STKLD1: variants seen among roughly 807,000 people sequenced by gnomAD.
STKLD1 encodes the protein serine/threonine kinase-like domain-containing protein STKLD1.
In STKLD1, 79 loss-of-function variants were observed where a neutral mutation model predicts 80.4. That is an observed-to-expected ratio of 0.98 (90% CI 0.82 to 1.19). STKLD1 has a LOEUF of 1.19. Ranked by LOEUF, STKLD1 falls within the 50% of genes most tolerant of loss-of-function variation. The pLI is 0.00. For synonymous variants in STKLD1, 393 were observed against 357.6 expected, an observed-to-expected ratio of 1.10 and a Z score of -1.12; for missense variants, 841 against 856.0, an observed-to-expected ratio of 0.98 and a Z score of 0.22.
chr9:133,392,603 G>GTGGGTGGATGGA (rs1295950840), intron 7 of STKLD1, among the ~76,000 whole-genome samples: 2 of 36,510 alleles, frequency 5.5e-5, no homozygotes, highest in African/African-American at 2.4e-4. Flanking sequence ...GGATGGATGG[G>GTGGGTGGATGGA]TGGATGGATG....
Position 133,402,954 on chromosome 9 carries a change from C to G in STKLD1, c.1416C>G (p.Leu472=). Residue 472 remains leucine, a synonymous_variant, in exon 14 of 18, where the codon CTC becomes CTG. Coordinates refer to ENST00000371957, the MANE Select transcript of STKLD1 (RefSeq NM_153710.5). ...EHILEHLNSS[L]ESRDVCASGL... ...TCCTGGAGCACCTCAACAGCTCCCTCGAAAGCAGGGACGTCTGCGCCAGCG... is the reference window on the plus strand; with the variant it reads ...TCCTGGAGCACCTCAACAGCTCCCTGGAAAGCAGGGACGTCTGCGCCAGCG... The G allele has an allele frequency of 6.3e-7, 1 of 1,583,044 alleles. No individual in the cohort carries two copies.
In STKLD1 at chr9:133,405,838, T is replaced by G; in HGVS notation, c.*417T>G. The G allele has an allele frequency of 6.3e-6, 1 of 159,186 alleles. No homozygotes were observed. The highest frequency in any genetic ancestry group is 1.4e-5 in the Non-Finnish European group (1 of 72,906). 9.9% of individuals were successfully genotyped at this position (159,186 alleles called of 1,614,324 possible). ...CCATGGGCCACTGTTTCCCTTGGGG[T>G]GGGGGGAAGGGTCATCCAGCACCAG... On this transcript the variant is annotated 3_prime_UTR_variant, in exon 18 of 18. Transcript: ENST00000371957.
intron 12 of STKLD1, 100 bp downstream of exon 12, chr9:133,400,629 G>C (rs1838678854): frequency 3.1e-6 from 3 of 974,180 alleles, no homozygotes; most frequent in Non-Finnish European, 4.9e-6. Flanking sequence ...GGGTGGGTTA[G>C]GGGAAGCCAT....
At chr9:133,401,287 C>T (rs1402233616) in intron 12 of STKLD1, among the ~76,000 whole-genome samples, 1 of 151,976 alleles carries the variant, frequency 6.6e-6, no homozygotes, top group Non-Finnish European at 1.5e-5. Flanking sequence ...TACAGGCACC[C>T]ACCACCACGC....
chr9:133,404,502 G>A (rs1239992038), intron 16 of STKLD1, among the ~76,000 whole-genome samples: 1 of 152,200 alleles, frequency 6.6e-6, no homozygotes, highest in Non-Finnish European at 1.5e-5. Context: ...ACTAGCTGGT[G>A]CCTGGCAACT....
chr9:133,400,625 G>C (rs1245097143), intron 12 of STKLD1, 96 bp downstream of exon 12: 1 of 1,000,510 alleles, frequency 1.0e-6, no homozygotes, highest in East Asian at 2.4e-5. Flanking sequence ...GGCCGGGTGG[G>C]TTAGGGGAAG....
Position 133,404,860 on chromosome 9 carries a change from C to T in STKLD1, c.1804C>T (p.Gln602Ter). 1 of 1,613,012 alleles carries T rather than the reference C, an allele frequency of 6.2e-7. No individual in the cohort carries two copies. The highest frequency in any genetic ancestry group is 8.5e-7 in the Non-Finnish European group (1 of 1,179,658). ...CCTCAGCCTCATCAAGGAGACCTAC[C>T]AGCTCCACAGGGACGACCCGGAGGT... ...SGLSLIKETY[Q>*]LHRDDPEVVE... Residue 602 changes from glutamine (Q) to a stop codon, truncating the protein, a stop_gained, in exon 17 of 18, where the codon CAG becomes TAG. Coordinates refer to ENST00000371957, the MANE Select transcript of STKLD1 (RefSeq NM_153710.5). LOFTEE classifies it high-confidence loss of function.
intron 9 of STKLD1, 132 bp from the exon 10 acceptor site, chr9:133,397,032 C>T: frequency 7.4e-7 from 1 of 1,342,432 alleles, no homozygotes; most frequent in South Asian, 1.4e-5. Context: ...CCAAATGAAT[C>T]CCAAAACAGG....
intron 9 of STKLD1, chr9:133,396,099 T>C (rs1838557847): frequency 5.4e-6 from 1 of 186,750 alleles, no homozygotes; most frequent in African/African-American, 2.3e-5. Context: ...ACCTTTAAAT[T>C]TTTCATTCTA....
rs587687318 is a variant in STKLD1, at chr9:133,399,125, A to G, written c.1081+1070A>G. ...TGTCTTGGCTTTCCAAAGTGTTGGGATTACAGGCGTGAGACACCGTGCTCG... is the reference window on the plus strand; with the variant it reads ...TGTCTTGGCTTTCCAAAGTGTTGGGGTTACAGGCGTGAGACACCGTGCTCG... On this transcript the variant is annotated intron_variant, in intron 11 of 17. Coordinates refer to ENST00000371957, the MANE Select transcript of STKLD1 (RefSeq NM_153710.5). 1.4e-3 allele frequency among the ~76,000 whole-genome samples: 208 copies of G among 152,328 alleles called. 1 individual carries two copies. The highest frequency in any genetic ancestry group is 4.9e-3 in the African/African-American group (205 of 41,572).
Position 133,389,290 on chromosome 9 carries a change from A to C in STKLD1, c.397-236A>C, listed in dbSNP as rs1838330695. 1 of 985,052 alleles carries C rather than the reference A, an allele frequency of 1.0e-6. No homozygotes were observed. The highest frequency in any genetic ancestry group is 1.7e-5 in the African/African-American group (1 of 57,146). The allele number at this position is 985,052 out of a possible 1,614,324, so 61.0% of individuals were successfully genotyped here. ...GCAGCACCCAGGGTCTCTGGTATGG[A>C]GACAGCAGTGTGGAGTCTGGAAACT... On this transcript the variant is annotated intron_variant, in intron 5 of 17. Coordinates refer to ENST00000371957, the MANE Select transcript of STKLD1 (RefSeq NM_153710.5). This position sits in a 1 kb window ranked among gnomAD's most constrained non-coding sequence, Gnocchi z 6.4.
In STKLD1 at chr9:133,379,137, C is replaced by G. The variant is rs1368559283; in HGVS notation, c.174+15C>G. On this transcript the variant is annotated intron_variant, in intron 2 of 17. Coordinates refer to ENST00000371957, the MANE Select transcript of STKLD1 (RefSeq NM_153710.5). The stretch of plus-strand genomic sequence containing the variant: ...TGATAAAGCAGGTAAGAGGCCAAGC[C>G]TGTGCATCCCATGCCGGGTGGTTCT... 15 of 1,609,220 alleles carry G rather than the reference C, an allele frequency of 9.3e-6. No individual in the cohort carries two copies. Among genetic ancestry groups the G allele is most frequent in the Non-Finnish European group, 1.3e-5 (15 of 1,176,316 alleles).
At position 133,389,537 on chromosome 9, in the gene STKLD1, T is replaced by C. The variant is rs2130284291; in HGVS notation, c.408T>C (p.Asn136=). ...TACTTCTCCCCCAGTGGATGCAGAA[T>C]GTGCTGGGCCAGGTGCTGGACGCGC... ...KKIIDSEWMQ[N]VLGQVLDALE... Residue 136 remains asparagine (N), a synonymous_variant, in exon 6 of 18, where the codon AAT becomes AAC. Transcript: ENST00000371957. This position sits in a 1 kb window ranked among gnomAD's most constrained non-coding sequence, Gnocchi z 6.4. 15 of 1,613,398 alleles carry C rather than the reference T, an allele frequency of 9.3e-6. No homozygotes were observed. The highest frequency in any genetic ancestry group is 1.1e-5 in the Non-Finnish European group (13 of 1,179,912).
chr9:133,386,928 G>A (rs1351090099), intron 4 of STKLD1, among the ~76,000 whole-genome samples: 1 of 152,244 alleles, frequency 6.6e-6, no homozygotes, highest in Non-Finnish European at 1.5e-5. Flanking sequence ...GTCTTGGGGA[G>A]GGGACCTCAC....
Position 133,385,607 on chromosome 9 carries a change from A to T in STKLD1, c.220-10A>T. 6.2e-7 allele frequency: 1 copy of T among 1,613,184 alleles called. No homozygotes were observed. The highest frequency in any genetic ancestry group is 2.2e-5 in the East Asian group (1 of 44,888). On this transcript the variant is annotated splice_polypyrimidine_tract_variant and intron_variant, in intron 3 of 17. Transcript: ENST00000371957. This position sits in a 1 kb window ranked among gnomAD's most constrained non-coding sequence, Gnocchi z 4.9. ...CTGACTTCTCCGTTTCCTCTGCTCT[A>T]TCCTGGCAGCTGATGCCACTGCTGA...
chr9:133,384,868 T>C lies in STKLD1; in HGVS notation c.220-749T>C, dbSNP rs1037086601. On this transcript the variant is annotated intron_variant, in intron 3 of 17. Transcript: ENST00000371957. The surrounding 1 kb of genome is among the most constrained non-coding windows in gnomAD (Gnocchi z 4.3). ...TAGCCTTTCTTTGTGTTTCTTGAAT[T>C]TCCCACGAGCTTGAAGGTGTCCCCT... 2 of 152,258 alleles carry C rather than the reference T, an allele frequency of 1.3e-5. No homozygotes were observed. The highest frequency in any genetic ancestry group is 4.8e-5 in the African/African-American group (2 of 41,460). The allele number at this position is 152,258 out of a possible 1,614,324, so 9.4% of individuals were successfully genotyped here.
In STKLD1 at chr9:133,385,787, G is replaced by A; in HGVS notation, c.294+96G>A. The A allele has an allele frequency of 8.6e-7, 1 of 1,158,404 alleles. No homozygotes were observed. 71.8% of individuals were successfully genotyped at this position (1,158,404 alleles called of 1,614,324 possible). A position where few individuals can be genotyped will look rare whatever the true frequency, so the allele number is the denominator to read the frequency against. On this transcript the variant is annotated intron_variant, in intron 4 of 17. Coordinates refer to ENST00000371957, the MANE Select transcript of STKLD1 (RefSeq NM_153710.5). The surrounding 1 kb of genome is among the most constrained non-coding windows in gnomAD (Gnocchi z 4.9). ...AGAGCACGCCCACCCCCCACTGTCA[G>A]AATAGCTCGTGTGGCAATGGCAGTG... is the stretch of plus-strand genomic sequence containing the variant.
At chr9:133,397,407 C>T (rs1299499575) in intron 10 of STKLD1, 113 bp downstream of exon 10, 3 of 1,375,626 alleles carry the variant, frequency 2.2e-6, no homozygotes, top group African/African-American at 1.4e-5. Context: ...CCTTGCTCCA[C>T]ATGCACGACC....
At chr9:133,376,961 A>G (rs912032166) in intron 1 of STKLD1, among the ~76,000 whole-genome samples, 1 of 152,256 alleles carries the variant, frequency 6.6e-6, no homozygotes, top group Non-Finnish European at 1.5e-5. Context: ...AGACCTAAAA[A>G]ATTCACAAAA....
Sources: gnomAD v4.1 joint callset for allele counts (sites outside exome capture counted in the v4.1 genomes callset) on GRCh38, gnomAD v4.1.1 for gene constraint, Gnocchi (gnomAD v3.1) non-coding constraint, MANE v1.5 for transcripts, NCBI Gene and HGNC (gene_info 2026-07-23, HGNC 2026-07-21) for gene names.